Variants in STRN observed in about 807,000 individuals in gnomAD.
STRN encodes the protein protein phosphatase 2 regulatory subunit B'''alpha.
Under a neutral mutation model 96.3 loss-of-function variants are expected in STRN, and 53 were observed. The ratio of observed to expected loss-of-function variants is 0.55; its 90% confidence interval spans 0.44 to 0.69. STRN has a LOEUF of 0.69. Among genes scored for constraint, STRN ranks in the 30% least tolerant of loss-of-function variants. The pLI, the probability that STRN is intolerant of heterozygous loss-of-function variation, is 0.00. For synonymous variants in STRN, 428 were observed against 355.9 expected (o/e 1.20, Z -2.28); for missense variants, 987 against 963.9 (o/e 1.02, Z -0.32).
chr2:36,919,207 G>GT (rs1194156255), intron 2 of STRN, among the ~76,000 whole-genome samples: 2 of 152,168 alleles, frequency 1.3e-5, no homozygotes, highest in African/African-American at 4.8e-5. Flanking sequence ...TTGTAGTTAG[G>GT]TAAGGGTGGA....
At chr2:36,934,134 T>A (rs1187510403) in intron 1 of STRN, among the ~76,000 whole-genome samples, 3 of 151,668 alleles carry the variant, frequency 2.0e-5, no homozygotes, top group Non-Finnish European at 4.4e-5. Context: ...AAAAACTAAA[T>A]CTATTGATGT....
intron 8 of STRN, among the ~76,000 whole-genome samples, chr2:36,886,122 G>C (rs1026664462): frequency 2.0e-5 from 3 of 151,858 alleles, no homozygotes; most frequent in Non-Finnish European, 4.4e-5. Context: ...CATTAAAAAG[G>C]AAAAAAGGTC....
chr2:36,862,364 C>T (rs551601213), intron 12 of STRN, among the ~76,000 whole-genome samples: 40 of 152,332 alleles, frequency 2.6e-4, no homozygotes, highest in African/African-American at 8.9e-4. Flanking sequence ...TACACTCCTA[C>T]CAGCAGCATT....
chr2:36,958,511 TAA>T (rs1056278580), intron 1 of STRN, among the ~76,000 whole-genome samples: 1 of 151,962 alleles, frequency 6.6e-6, no homozygotes, highest in African/African-American at 2.4e-5. Context: ...TAACCAAAAC[TAA>T]AAATTCAGTG....
At position 36,913,054 on chromosome 2, in the gene STRN, G is replaced by A. The variant is rs927487357; in HGVS notation, c.412+3024C>T. ...ATATTTTACTTCCTAAATATTTCCT[G>A]AACACACCCTTGTCAAGGAAACCTT... On this transcript the variant is annotated intron_variant, in intron 3 of 17. Transcript: ENST00000263918. Among the ~76,000 whole-genome samples the A allele has an allele frequency of 5.9e-5, 9 of 152,088 alleles. No individual in the cohort carries two copies. In the South Asian group the frequency reaches 6.2e-4, roughly 11 times the overall value.
At chr2:36,950,219 T>TTG (rs1264886657) in intron 1 of STRN, among the ~76,000 whole-genome samples, 2 of 145,462 alleles carry the variant, frequency 1.4e-5, no homozygotes, top group Admixed American at 1.4e-4. Context: ...TTTTGTTTTT[T>TTG]TTTTTTTTTT....
intron 5 of STRN, among the ~76,000 whole-genome samples, chr2:36,900,554 A>G (rs1313921145): frequency 6.6e-6 from 1 of 152,174 alleles, no homozygotes; most frequent in Non-Finnish European, 1.5e-5. Flanking sequence ...AAATAGTTGA[A>G]TTTTCAAATA....
intron 1 of STRN, among the ~76,000 whole-genome samples, chr2:36,943,785 C>T (rs1191147694): frequency 6.6e-6 from 1 of 151,254 alleles, no homozygotes; most frequent in Non-Finnish European, 1.5e-5. Flanking sequence ...GCATGGACGA[C>T]AGAACGAGAC....
At chr2:36,959,122 AG>A (rs1244769290) in intron 1 of STRN, among the ~76,000 whole-genome samples, 10 of 152,226 alleles carry the variant, frequency 6.6e-5, no homozygotes, top group African/African-American at 2.4e-4. Flanking sequence ...TCTCAAAAAA[AG>A]AAAAAGAAAT....
chr2:36,928,805 C>T lies in STRN; in HGVS notation c.235-3597G>A, dbSNP rs527933088. ...TAAAAATACAAAAAAAAAAATTAGC[C>T]GGGCGTGGTGGCAGGTGCCTGTAAT... On this transcript the variant is annotated intron_variant, in intron 1 of 17. Transcript: ENST00000263918. 1.1e-4 allele frequency among the ~76,000 whole-genome samples: 17 copies of T among 151,114 alleles called. No homozygotes were observed. The South Asian group carries it at 2.5e-3, about 22-fold the overall frequency.
chr2:36,861,203 C>G lies in STRN; in HGVS notation c.1598G>C (p.Ser533Thr), dbSNP rs1668470654. The G allele has an allele frequency of 6.2e-7, 1 of 1,614,082 alleles. No individual in the cohort carries two copies. The highest frequency in any genetic ancestry group is 8.5e-7 in the Non-Finnish European group (1 of 1,179,986). Residue 533 changes from serine (S) to threonine (T), a missense_variant, in exon 13 of 18, where the codon AGT becomes ACT. Transcript: ENST00000263918. ...CTGGATCAGTCCATCAGTACCACCA[C>G]TGTAACACTGCTCACCATTGCTGCT... ...VMSSNGEQCYSGGTDGLIQGW... is the reference protein window; with the variant it reads ...VMSSNGEQCYTGGTDGLIQGW...
rs1668035881 is a variant in STRN at position 36,845,136 on chromosome 2, T to C, written c.*4320A>G. ...AATAAAATTATACTTAGCACTCTTTTTCATGTAAGTTCAATAATTATTTGG... is the reference window on the plus strand; with the variant it reads ...AATAAAATTATACTTAGCACTCTTTCTCATGTAAGTTCAATAATTATTTGG... On this transcript the variant is annotated 3_prime_UTR_variant, in exon 18 of 18. Transcript: ENST00000263918. 1 of 152,164 alleles carries C rather than the reference T, an allele frequency of 6.6e-6. No homozygotes were observed. Among genetic ancestry groups the C allele is most frequent in the East Asian group, 1.9e-4 (1 of 5,198 alleles). The allele number at this position is 152,164 out of a possible 1,614,324, so 9.4% of individuals were successfully genotyped here. A position where few individuals can be genotyped will look rare whatever the true frequency, so the allele number is the denominator to read the frequency against.
intron 7 of STRN, among the ~76,000 whole-genome samples, chr2:36,889,797 C>T (rs774146954): frequency 6.6e-6 from 1 of 152,070 alleles, no homozygotes; most frequent in Admixed American, 6.6e-5. Context: ...GTAAAGAAAC[C>T]TCCAGGAAAC....
intron 13 of STRN, among the ~76,000 whole-genome samples, chr2:36,860,226 T>C (rs551082863): frequency 1.3e-5 from 2 of 151,874 alleles, no homozygotes; most frequent in Non-Finnish European, 2.9e-5. Context: ...TCGAGTACAG[T>C]CACAAAAGAA....
At chr2:36,937,859 C>G (rs1240247404) in intron 1 of STRN, among the ~76,000 whole-genome samples, 2 of 151,770 alleles carry the variant, frequency 1.3e-5, no homozygotes, top group Non-Finnish European at 2.9e-5. Flanking sequence ...TAACAGTTAG[C>G]AGGAGGAAGA....
At chr2:36,879,775 C>T (rs528381247) in intron 9 of STRN, among the ~76,000 whole-genome samples, 59 of 152,232 alleles carry the variant, frequency 3.9e-4, no homozygotes, top group African/African-American at 9.9e-4. Context: ...GACTAGTGCA[C>T]GTACAAGACA....
chr2:36,957,742 G>GTTTTTTTTTTTTTTTTTTTT lies in STRN; in HGVS notation c.234+8487_234+8488insAAAAAAAAAAAAAAAAAAAA, dbSNP rs1158709835. Among the ~76,000 whole-genome samples, 5 of 103,122 alleles carry GTTTTTTTTTTTTTTTTTTTT rather than the reference G, an allele frequency of 4.8e-5. 1 individual carries two copies. Among genetic ancestry groups the GTTTTTTTTTTTTTTTTTTTT allele is most frequent in the Non-Finnish European group, 7.7e-5 (4 of 51,670 alleles). The allele number at this position is 103,122 out of a possible 152,430, so 67.7% of individuals were successfully genotyped here. A position where few individuals can be genotyped will look rare whatever the true frequency, so the allele number is the denominator to read the frequency against. On this transcript the variant is annotated intron_variant, in intron 1 of 17. Transcript: ENST00000263918. The stretch of plus-strand genomic sequence containing the variant: ...GATTAGTCTCATAGTTCTTCTTTTT[G>GTTTTTTTTTTTTTTTTTTTT]TCTTTTTTTTTTTTTTTTTTTTTTT...
rs1169343145 is a variant in STRN, at chr2:36,954,331, C to T, written c.234+11899G>A. ...TTCAAGACCAGCCTGGCCAATATGG[C>T]AAAACCCTGTCTCTACTAAAAATAC... On this transcript the variant is annotated intron_variant, in intron 1 of 17. Coordinates refer to ENST00000263918, the MANE Select transcript of STRN (RefSeq NM_003162.4). Among the ~76,000 whole-genome samples the T allele has an allele frequency of 3.3e-5, 5 of 151,644 alleles. No homozygotes were observed. In the East Asian group the frequency reaches 9.8e-4, roughly 30 times the overall value.
At chr2:36,915,231 A>AT (rs1491122589) in intron 3 of STRN, among the ~76,000 whole-genome samples, 5 of 82,118 alleles carry the variant, frequency 6.1e-5, no homozygotes, top group East Asian at 3.3e-4. Context: ...CTGAATACAT[A>AT]AATATATATA....
Sources: gnomAD v4.1 joint callset for allele counts (sites outside exome capture counted in the v4.1 genomes callset) on GRCh38, gnomAD v4.1.1 for gene constraint, MANE v1.5 for transcripts, NCBI Gene and HGNC (gene_info 2026-07-23, HGNC 2026-07-21) for gene names.